The following RIC8B variants were observed in gnomAD, a reference collection of about 807,000 sequenced individuals.
The protein encoded by RIC8B is chaperone Ric-8B.
RIC8B carries 16 observed loss-of-function variants against 57.5 expected under a neutral mutation model. The ratio of observed to expected loss-of-function variants is 0.28; its 90% CI spans 0.19 to 0.42. The LOEUF (loss-of-function observed/expected upper bound fraction) is 0.42. Ranked by LOEUF, RIC8B falls within the 10% of genes least tolerant of loss-of-function variation. RIC8B has a pLI of 1.00. For missense variants in RIC8B, 481 were observed against 677.0 expected, an observed-to-expected ratio of 0.71 and a Z score of 3.21; for synonymous variants, 216 against 250.8, an observed-to-expected ratio of 0.86 and a Z score of 1.31.
intron 2 of RIC8B, among the ~76,000 whole-genome samples, chr12:106,793,059 T>G (rs1248595406): frequency 6.6e-6 from 1 of 152,196 alleles, no homozygotes; most frequent in Non-Finnish European, 1.5e-5. Context: ...AGGTGGGTCT[T>G]ACCTCCTTCC....
intron 1 of RIC8B, among the ~76,000 whole-genome samples, chr12:106,778,885 C>T (rs1414442619): frequency 6.6e-6 from 1 of 152,200 alleles, no homozygotes; most frequent in African/African-American, 2.4e-5. Context: ...TGATAGAAAA[C>T]ACCATAGTAT....
intron 1 of RIC8B, among the ~76,000 whole-genome samples, chr12:106,778,322 T>A (rs2043586754): frequency 6.6e-6 from 1 of 152,228 alleles, no homozygotes; most frequent in South Asian, 2.1e-4. Flanking sequence ...CTTCATTCAC[T>A]GACCTTTGTT....
rs1950839160 is a variant in RIC8B, at chr12:106,879,733, T to A, written c.1572-6171T>A. 1.0e-6 allele frequency: 1 copy of A among 985,282 alleles called. No individual in the cohort carries two copies. The highest frequency in any genetic ancestry group is 1.2e-6 in the Non-Finnish European group (1 of 829,924). The allele number at this position is 985,282 out of a possible 1,614,324, so 61.0% of individuals were successfully genotyped here. A position where few individuals can be genotyped will look rare whatever the true frequency, so the allele number is the denominator to read the frequency against. ...AGCCCTTGTAGATTATGGTTCCTTA[T>A]CGTTTAGTAAGATCAAATTTCTAAA... is the stretch of plus-strand genomic sequence containing the variant. On this transcript the variant is annotated intron_variant, in intron 9 of 9. Transcript: ENST00000392837. The surrounding 1 kb of genome is among the most constrained non-coding windows in gnomAD (Gnocchi z 4.9).
At chr12:106,791,765 C>CTG (rs1284877460) in intron 2 of RIC8B, among the ~76,000 whole-genome samples, 3 of 152,142 alleles carry the variant, frequency 2.0e-5, no homozygotes, top group Non-Finnish European at 4.4e-5. Flanking sequence ...TAGATGCATG[C>CTG]TGAGGCTTGC....
chr12:106,883,695 C>T (rs1269927709), intron 9 of RIC8B, among the ~76,000 whole-genome samples: 1 of 142,712 alleles, frequency 7.0e-6, no homozygotes, highest in Non-Finnish European at 1.6e-5. Flanking sequence ...TCTGTCTCCT[C>T]CCCCACACAC....
chr12:106,813,754 G>A (rs769821171), intron 2 of RIC8B, among the ~76,000 whole-genome samples: 1 of 152,096 alleles, frequency 6.6e-6, no homozygotes, highest in Non-Finnish European at 1.5e-5. Flanking sequence ...AGTAGTTGTT[G>A]TTTTTATAAG....
rs1024978101 is a variant in RIC8B at position 106,867,215 on chromosome 12, C to T, written c.1452-3608C>T. Among the ~76,000 whole-genome samples, 4 of 152,130 alleles carry T rather than the reference C, an allele frequency of 2.6e-5. No individual in the cohort carries two copies. The highest frequency in any genetic ancestry group is 2.0e-4 in the Admixed American group (3 of 15,264). The stretch of plus-strand genomic sequence containing the variant: ...TTATACCTGTGTTCATTTGTCCATA[C>T]CTTTTTAGTGTGTCTTAATCCTTTT... On this transcript the variant is annotated intron_variant, in intron 8 of 9. Coordinates refer to ENST00000392837, the MANE Select transcript of RIC8B (RefSeq NM_001330145.2). This position sits in a 1 kb window ranked among gnomAD's most constrained non-coding sequence, Gnocchi z 4.3.
In RIC8B at chr12:106,879,684, T is replaced by A. The variant is rs949218509; in HGVS notation, c.1572-6220T>A. On this transcript the variant is annotated intron_variant, in intron 9 of 9. Coordinates refer to ENST00000392837, the MANE Select transcript of RIC8B (RefSeq NM_001330145.2). This position sits in a 1 kb window ranked among gnomAD's most constrained non-coding sequence, Gnocchi z 4.9. ...AGGGTTTCCTTTCTTGGACGTGCTT[T>A]ATCTGTGTCCTCTTGCCTGGCCAAG... 4 of 985,332 alleles carry A rather than the reference T, an allele frequency of 4.1e-6. No individual in the cohort carries two copies. The highest frequency in any genetic ancestry group is 6.2e-5 in the Admixed American group (1 of 16,254). 61.0% of individuals were successfully genotyped at this position (985,332 alleles called of 1,614,324 possible). A position where few individuals can be genotyped will look rare whatever the true frequency, so the allele number is the denominator to read the frequency against.
Position 106,879,750 on chromosome 12 carries a change from A to G in RIC8B, c.1572-6154A>G. Reference sequence around the variant, plus strand: ...GTTCCTTATCGTTTAGTAAGATCAAATTTCTAAATGATGTTTCGTTCCAGT... The same window carrying G: ...GTTCCTTATCGTTTAGTAAGATCAAGTTTCTAAATGATGTTTCGTTCCAGT... On this transcript the variant is annotated intron_variant, in intron 9 of 9. Coordinates refer to ENST00000392837, the MANE Select transcript of RIC8B (RefSeq NM_001330145.2). The surrounding 1 kb of genome is among the most constrained non-coding windows in gnomAD (Gnocchi z 4.9). 1 of 985,286 alleles carries G rather than the reference A, an allele frequency of 1.0e-6. No homozygotes were observed. 61.0% of individuals were successfully genotyped at this position (985,286 alleles called of 1,614,324 possible). A position where few individuals can be genotyped will look rare whatever the true frequency, so the allele number is the denominator to read the frequency against.
intron 3 of RIC8B, among the ~76,000 whole-genome samples, chr12:106,823,804 C>A (rs1319767747): frequency 1.3e-5 from 2 of 151,928 alleles, no homozygotes; most frequent in African/African-American, 2.4e-5. Flanking sequence ...CCTGCCTCAG[C>A]CTCCCGAGTA....
In RIC8B at chr12:106,777,675, A is replaced by G. The variant is rs539964658; in HGVS notation, c.84+2846A>G. On this transcript the variant is annotated intron_variant, in intron 1 of 9. Coordinates refer to ENST00000392837, the MANE Select transcript of RIC8B (RefSeq NM_001330145.2). ...TCAGATAAACTTGGTTCAAATCCCAACTCTGCCATTTATTAGCTTTATGAC... is the reference window on the plus strand; with the variant it reads ...TCAGATAAACTTGGTTCAAATCCCAGCTCTGCCATTTATTAGCTTTATGAC... 3.0e-3 allele frequency among the ~76,000 whole-genome samples: 461 copies of G among 152,264 alleles called. 2 individuals carry two copies. Among genetic ancestry groups the G allele is most frequent in the Non-Finnish European group, 5.3e-3 (360 of 68,014 alleles).
At chr12:106,883,552 C>T (rs1447681229) in intron 9 of RIC8B, among the ~76,000 whole-genome samples, 1 of 152,128 alleles carries the variant, frequency 6.6e-6, no homozygotes, top group Non-Finnish European at 1.5e-5. Flanking sequence ...TCCACTTGGT[C>T]ATCTGAGCTG....
chr12:106,851,860 T>C (rs958291686), intron 7 of RIC8B, among the ~76,000 whole-genome samples: 2 of 152,186 alleles, frequency 1.3e-5, no homozygotes, highest in Admixed American at 6.5e-5. Flanking sequence ...CCAGCCTTCA[T>C]CTTAATGGGG....
chr12:106,859,553 T>C (rs1949843642), intron 7 of RIC8B, among the ~76,000 whole-genome samples: 1 of 151,074 alleles, frequency 6.6e-6, no homozygotes, highest in Admixed American at 6.6e-5. Context: ...ATACTTTGCA[T>C]ATATTAACTT....
chr12:106,851,661 G>A lies in RIC8B; in HGVS notation c.1306+67G>A, dbSNP rs543258727. The A allele has an allele frequency of 8.3e-5, 110 of 1,332,126 alleles. No individual in the cohort carries two copies. The African/African-American group carries it at 1.5e-3, about 18-fold the overall frequency. 82.5% of individuals were successfully genotyped at this position (1,332,126 alleles called of 1,614,324 possible). A position where few individuals can be genotyped will look rare whatever the true frequency, so the allele number is the denominator to read the frequency against. On this transcript the variant is annotated intron_variant, in intron 7 of 9. Transcript: ENST00000392837. Reference sequence around the variant, plus strand: ...GGGACTTTGAGAAATTTAATTGATAGTGTTAGTACTGGTCGTCTCATTCCA... The same window carrying A: ...GGGACTTTGAGAAATTTAATTGATAATGTTAGTACTGGTCGTCTCATTCCA...
At chr12:106,834,932 T>A (rs1374136907) in intron 4 of RIC8B, among the ~76,000 whole-genome samples, 1 of 131,634 alleles carries the variant, frequency 7.6e-6, no homozygotes, top group African/African-American at 3.0e-5. Context: ...TGCAGTGAGC[T>A]GAGATTGCGC....
At chr12:106,819,433 T>C (rs1353077779) in intron 3 of RIC8B, among the ~76,000 whole-genome samples, 1 of 152,096 alleles carries the variant, frequency 6.6e-6, no homozygotes, top group Admixed American at 6.6e-5. Flanking sequence ...TACATACTTA[T>C]AAGTATAAAG....
intron 4 of RIC8B, among the ~76,000 whole-genome samples, chr12:106,831,349 T>A (rs950295357): frequency 6.6e-6 from 1 of 152,202 alleles, no homozygotes; most frequent in Non-Finnish European, 1.5e-5. Context: ...GAAAAAAAAT[T>A]TTTTTAATCA....
intron 1 of RIC8B, among the ~76,000 whole-genome samples, 181 bp from the exon 2 acceptor site, chr12:106,783,816 C>G (rs1325319793): frequency 6.6e-6 from 1 of 152,176 alleles, no homozygotes; most frequent in Non-Finnish European, 1.5e-5. Flanking sequence ...CTGCTGTAGT[C>G]TTTTCACACT....
Sources: allele counts gnomAD v4.1 joint callset (sites outside exome capture counted in the v4.1 genomes callset), GRCh38; gene constraint gnomAD v4.1.1; non-coding constraint Gnocchi (gnomAD v3.1); transcripts MANE v1.5; gene names NCBI Gene and HGNC (gene_info 2026-07-23, HGNC 2026-07-21).